XRRA1: variants seen among roughly 807,000 people sequenced by gnomAD.
XRRA1 encodes X-ray radiation resistance associated 1.
In XRRA1, 69 loss-of-function variants were observed where a neutral mutation model predicts 80.2. That is an observed-to-expected ratio of 0.86 (90% CI 0.71 to 1.05). The LOEUF is 1.05. Ranked by LOEUF, XRRA1 falls within the 50% of genes least tolerant of loss-of-function variation. The pLI is 0.00. For synonymous variants in XRRA1, 348 were observed against 389.9 expected (o/e 0.89, Z 1.27); for missense variants, 967 against 976.4 (o/e 0.99, Z 0.13).
At chr11:74,858,085 AAGAAC>A (rs1490569508) in intron 12 of XRRA1, among the ~76,000 whole-genome samples, 2 of 152,214 alleles carry the variant, frequency 1.3e-5, no homozygotes, top group Non-Finnish European at 2.9e-5. Flanking sequence ...TTTTAAGTAA[AAGAAC>A]AGAAAGTTAT....
chr11:74,889,291 A>G (rs1408250596), intron 10 of XRRA1, among the ~76,000 whole-genome samples: 1 of 152,184 alleles, frequency 6.6e-6, no homozygotes, highest in East Asian at 1.9e-4. Context: ...AGAATTTCAT[A>G]TCCAGCCAAA....
chr11:74,887,732 C>T (rs1022173552), intron 10 of XRRA1, among the ~76,000 whole-genome samples: 6 of 152,168 alleles, frequency 3.9e-5, no homozygotes, highest in Admixed American at 1.3e-4. Flanking sequence ...CCTAATACTG[C>T]GCTTTTCCAA....
rs570485280 is a variant in XRRA1 at position 74,907,278 on chromosome 11, G to A, written c.657-5C>T. 1.2e-6 allele frequency: 2 copies of A among 1,613,790 alleles called. 1 individual carries two copies. The highest frequency in any genetic ancestry group is 2.7e-5 in the African/African-American group (2 of 75,032). On this transcript the variant is annotated splice_region_variant and splice_polypyrimidine_tract_variant and intron_variant, in intron 8 of 18. Transcript: ENST00000684022. ...AGCGATGTTACAGATGCCTCCCTGT[G>A]AGTGCAAAGATCTTGGGTAATGAGC...
At position 74,921,211 on chromosome 11, in the gene XRRA1, T is replaced by TA. The variant is rs751281379; in HGVS notation, c.656+2dup. 1.9e-6 allele frequency: 3 copies of TA among 1,613,658 alleles called. No individual in the cohort carries two copies. The highest frequency in any genetic ancestry group is 1.7e-5 in the Admixed American group (1 of 60,008). On this transcript the variant is annotated splice_region_variant and intron_variant, in intron 8 of 18. Coordinates refer to ENST00000684022, the MANE Select transcript of XRRA1 (RefSeq NM_001378157.1). The stretch of plus-strand genomic sequence containing the variant: ...AGAATGGACTCCAGGAGGTAGAACT[T>TA]ACTGTTCTGCGACGGCCAAATTGGG...
chr11:74,846,322 A>G (rs1442585465), intron 15 of XRRA1: 1 of 152,168 alleles, frequency 6.6e-6, no homozygotes, highest in African/African-American at 2.4e-5. Context: ...AACTTCCCAC[A>G]AAGAAAAGCC....
rs752348513 is a variant in XRRA1 at position 74,859,198 on chromosome 11, G to A, written c.1130C>T (p.Pro377Leu). The change falls in exon 12 of 19, where the codon CCC (proline) becomes CTC (leucine). Residue 377 changes from proline to leucine, a missense_variant. Coordinates refer to ENST00000684022, the MANE Select transcript of XRRA1 (RefSeq NM_001378157.1). ...LKARNQTLAP[P>L]FPELRYLSLA... is the part of the protein sequence containing the mutation. ...GCTAAGGTATCTCAGCTCTGGGAAG[G>A]GTGGGGCCAGCGTCTGGTTCCTGGC... 11 of 1,609,520 alleles carry A rather than the reference G, an allele frequency of 6.8e-6. No individual in the cohort carries two copies. In the Admixed American group the frequency reaches 1.5e-4, roughly 22 times the overall value.
intron 2 of XRRA1, among the ~76,000 whole-genome samples, chr11:74,941,916 A>C (rs1282325961): frequency 6.6e-6 from 1 of 152,194 alleles, no homozygotes; most frequent in Non-Finnish European, 1.5e-5. Flanking sequence ...GTGTGGACAC[A>C]GCCTAGGCAA....
chr11:74,906,412 G>A lies in XRRA1; in HGVS notation c.830C>T (p.Pro277Leu). The A allele has an allele frequency of 6.2e-7, 1 of 1,613,966 alleles. No individual in the cohort carries two copies. Residue 277 changes from proline to leucine, a missense_variant, in exon 10 of 19, where the codon CCA becomes CTA. By Grantham distance (98) the Pro-to-Leu change is moderately conservative. Transcript: ENST00000684022. Reference sequence around the variant, plus strand: ...ATAGAGCTGAACTTGCTGTAGGTATGGGATCCTGATAATCCTGTTTTCATC... The same window carrying A: ...ATAGAGCTGAACTTGCTGTAGGTATAGGATCCTGATAATCCTGTTTTCATC... ...SLDENRIIRI[P>L]YLQQVQLYDE...
chr11:74,855,659 CCAAGTG>C lies in XRRA1; in HGVS notation c.1170+3493_1170+3498del, dbSNP rs2040915128. On this transcript the variant is annotated intron_variant, in intron 12 of 18. Coordinates refer to ENST00000684022, the MANE Select transcript of XRRA1 (RefSeq NM_001378157.1). ...ACATTTAGGAACTAAGTATTAAAGACCAAGTGAAAGTGATTATTTTACTTTTGACAC... is the reference window on the plus strand; with the variant it reads ...ACATTTAGGAACTAAGTATTAAAGACAAAGTGATTATTTTACTTTTGACAC... Among the ~76,000 whole-genome samples the C allele has an allele frequency of 2.6e-5, 4 of 152,228 alleles. No individual in the cohort carries two copies. The South Asian group carries it at 8.3e-4, about 32-fold the overall frequency.
chr11:74,930,385 A>T lies in XRRA1; in HGVS notation c.352-13T>A, dbSNP rs555248886. On this transcript the variant is annotated splice_polypyrimidine_tract_variant and intron_variant, in intron 5 of 18. Coordinates refer to ENST00000684022, the MANE Select transcript of XRRA1 (RefSeq NM_001378157.1). Reference sequence around the variant, plus strand: ...CATTTTCCTTGGCCTGTAGGAAAGCATTTCAGAAAAAAAAAAAAATCCACA... The same window carrying T: ...CATTTTCCTTGGCCTGTAGGAAAGCTTTTCAGAAAAAAAAAAAAATCCACA... 3.6e-5 allele frequency: 55 copies of T among 1,529,550 alleles called. No homozygotes were observed. The Middle Eastern group carries it at 8.5e-4, about 24-fold the overall frequency. The allele number at this position is 1,529,550 out of a possible 1,614,324, so 94.7% of individuals were successfully genotyped here.
Position 74,906,380 on chromosome 11 carries a change from ACTC to A in XRRA1, c.859_861del (p.Glu287del), listed in dbSNP as rs1453664830. Reference sequence around the variant, plus strand: ...CCCCTGCCTCCATTCCAGTCTACTGACTCGTCATAGAGCTGAACTTGCTGTAGG... The same window carrying A: ...CCCCTGCCTCCATTCCAGTCTACTGAGTCATAGAGCTGAACTTGCTGTAGG... On this transcript the variant is annotated inframe_deletion, in exon 10 of 19. Coordinates refer to ENST00000684022, the MANE Select transcript of XRRA1 (RefSeq NM_001378157.1). 6.8e-6 allele frequency: 11 copies of A among 1,613,820 alleles called. No homozygotes were observed. The highest frequency in any genetic ancestry group is 9.3e-6 in the Non-Finnish European group (11 of 1,179,892).
chr11:74,888,801 G>C (rs904176350), intron 10 of XRRA1, among the ~76,000 whole-genome samples: 3 of 152,176 alleles, frequency 2.0e-5, no homozygotes, highest in African/African-American at 7.2e-5. Context: ...CTGGAAGAAA[G>C]GGTATCAGTG....
At chr11:74,850,048 G>T (rs1183924334) in intron 14 of XRRA1, among the ~76,000 whole-genome samples, 1 of 152,162 alleles carries the variant, frequency 6.6e-6, no homozygotes, top group African/African-American at 2.4e-5. Context: ...ACAAAGCATT[G>T]ATTTGTTTCT....
intron 7 of XRRA1, among the ~76,000 whole-genome samples, chr11:74,925,816 T>G (rs1215591362): frequency 6.6e-6 from 1 of 152,056 alleles, no homozygotes; most frequent in Non-Finnish European, 1.5e-5. Flanking sequence ...TTTGAAATGG[T>G]AGGGGAAGAA....
chr11:74,916,136 A>T (rs1938594887), intron 8 of XRRA1, among the ~76,000 whole-genome samples: 1 of 152,160 alleles, frequency 6.6e-6, no homozygotes, highest in South Asian at 2.1e-4. Context: ...AATATGACTC[A>T]GTGGAGGTCT....
At chr11:74,844,961 C>T in intron 16 of XRRA1, 112 bp downstream of exon 16, 2 of 1,061,358 alleles carry the variant, frequency 1.9e-6, no homozygotes, top group African/African-American at 1.6e-5. Flanking sequence ...AGACAGAGGA[C>T]AGCACCCTAG....
At chr11:74,939,188 T>C (rs1945768029) in intron 3 of XRRA1, among the ~76,000 whole-genome samples, 1 of 151,808 alleles carries the variant, frequency 6.6e-6, no homozygotes, top group Non-Finnish European at 1.5e-5. Context: ...CCCATCTCTA[T>C]AAAAAATACA....
chr11:74,884,109 G>A (rs2048426393), intron 10 of XRRA1, among the ~76,000 whole-genome samples: 1 of 152,062 alleles, frequency 6.6e-6, no homozygotes, highest in Admixed American at 6.5e-5. Flanking sequence ...TGAGGCAGGA[G>A]AATCACTTGA....
At chr11:74,860,250 T>G (rs2042032931) in intron 11 of XRRA1, among the ~76,000 whole-genome samples, 1 of 152,186 alleles carries the variant, frequency 6.6e-6, no homozygotes, top group African/African-American at 2.4e-5. Flanking sequence ...AACCAGCGAC[T>G]GTGTTTGGGA....
Sources: allele counts gnomAD v4.1 joint callset (sites outside exome capture counted in the v4.1 genomes callset), GRCh38; gene constraint gnomAD v4.1.1; transcripts MANE v1.5; gene names NCBI Gene and HGNC (gene_info 2026-07-23, HGNC 2026-07-21).